Variants in CNTN6 observed in about 807,000 individuals in gnomAD.
CNTN6 encodes the protein contactin 6, also known as contactin-6.
Under a neutral mutation model 122.8 loss-of-function variants are expected in CNTN6, and 137 were observed. The ratio of observed to expected loss-of-function variants is 1.12; its 90% CI spans 0.97 to 1.29. The LOEUF is 1.29. Among genes scored for constraint, CNTN6 ranks in the 50% most tolerant of loss-of-function variants. The pLI is 0.00. For synonymous variants in CNTN6, 570 were observed against 426.0 expected, an observed-to-expected ratio of 1.34 and a Z score of -4.16; for missense variants, 1,634 against 1,223.4, an observed-to-expected ratio of 1.34 and a Z score of -5.01.
chr3:1,388,263 C>T (rs560690090), intron 20 of CNTN6, among the ~76,000 whole-genome samples: 2,763 of 148,914 alleles, frequency 0.019, 81 homozygotes, highest in Non-Finnish European at 0.028. Flanking sequence ...CCCTGACCCC[C>T]GAGCAGCCTA....
intron 2 of CNTN6, among the ~76,000 whole-genome samples, chr3:1,157,874 A>G (rs1334656092): frequency 6.6e-6 from 1 of 152,018 alleles, no homozygotes; most frequent in East Asian, 1.9e-4. Flanking sequence ...TACGCACCAC[A>G]TTTTCTTTAT....
At chr3:1,256,151 A>C (rs2094754386) in intron 4 of CNTN6, among the ~76,000 whole-genome samples, 1 of 152,148 alleles carries the variant, frequency 6.6e-6, no homozygotes, top group Admixed American at 6.6e-5. Flanking sequence ...GATTACAGGC[A>C]TGAGCCACCA....
chr3:1,134,124 C>T (rs746635660), intron 1 of CNTN6, among the ~76,000 whole-genome samples: 8 of 152,114 alleles, frequency 5.3e-5, no homozygotes, highest in Non-Finnish European at 7.3e-5. Flanking sequence ...TACAAGGCCC[C>T]GATCGACCAT....
chr3:1,403,417 G>A lies in CNTN6; in HGVS notation c.3086G>A (p.Ter1029=), dbSNP rs2126268629. Residue 1029 remains the stop codon, a stop_retained_variant, in exon 23 of 23, where the codon TGA becomes TAA. Coordinates refer to ENST00000446702, the MANE Select transcript of CNTN6 (RefSeq NM_001289080.2). ...TGTTTTGCTATTCAGCCACTTATCT[G>A]ATGAATAAAACCATAAATCTTTGAG... ...FHCFAIQPLI[*] The A allele has an allele frequency of 2.5e-6, 4 of 1,586,706 alleles. No individual in the cohort carries two copies. Among genetic ancestry groups the A allele is most frequent in the Non-Finnish European group, 3.5e-6 (4 of 1,156,716 alleles).
intron 4 of CNTN6, among the ~76,000 whole-genome samples, chr3:1,252,100 C>T (rs1440347889): frequency 6.6e-6 from 1 of 152,192 alleles, no homozygotes; most frequent in African/African-American, 2.4e-5. Context: ...TTCTGTTTTG[C>T]TACAAAGTCC....
chr3:1,202,422 C>T (rs1188143777), intron 2 of CNTN6, among the ~76,000 whole-genome samples: 1 of 151,918 alleles, frequency 6.6e-6, no homozygotes, highest in Non-Finnish European at 1.5e-5. Flanking sequence ...CGCCTGTAGT[C>T]CCAGCTACTC....
chr3:1,248,966 C>G lies in CNTN6; in HGVS notation c.358+20973C>G, dbSNP rs181688721. Among the ~76,000 whole-genome samples the G allele has an allele frequency of 3.3e-5, 5 of 152,280 alleles. No individual in the cohort carries two copies. The East Asian group carries it at 9.7e-4, about 29-fold the overall frequency. ...TAATGCTTGTCAAATTTAATGTGCA[C>G]AGGAATCACTTGGAGATCTTATTAA... On this transcript the variant is annotated intron_variant, in intron 4 of 22. Transcript: ENST00000446702.
intron 7 of CNTN6, among the ~76,000 whole-genome samples, chr3:1,311,352 T>C (rs1559786932): frequency 8.0e-6 from 1 of 125,530 alleles, no homozygotes; most frequent in African/African-American, 3.5e-5. Context: ...AAAATGTCTT[T>C]ATATGTACAT....
chr3:1,265,997 C>G (rs2094920404), intron 4 of CNTN6, among the ~76,000 whole-genome samples: 2 of 151,684 alleles, frequency 1.3e-5, no homozygotes, highest in African/African-American at 4.9e-5. Context: ...AAAGGCAATA[C>G]ATAGTTATAT....
chr3:1,147,338 A>G (rs1215640335), intron 1 of CNTN6, among the ~76,000 whole-genome samples: 2 of 152,116 alleles, frequency 1.3e-5, no homozygotes, highest in Non-Finnish European at 2.9e-5. Flanking sequence ...GTCTGTTACA[A>G]TCATACAGTT....
At chr3:1,375,399 C>G (rs757737921) in intron 16 of CNTN6, among the ~76,000 whole-genome samples, 1 of 152,174 alleles carries the variant, frequency 6.6e-6, no homozygotes. Context: ...TACTGAGTCT[C>G]TCGTCTCTCC....
At chr3:1,378,789 G>A (rs1423195407) in intron 17 of CNTN6, among the ~76,000 whole-genome samples, 1 of 152,120 alleles carries the variant, frequency 6.6e-6, no homozygotes, top group East Asian at 1.9e-4. Context: ...CTCTCTTTCT[G>A]TTCTTTTACT....
At chr3:1,284,797 A>G (rs1287420525) in intron 5 of CNTN6, among the ~76,000 whole-genome samples, 2 of 152,250 alleles carry the variant, frequency 1.3e-5, no homozygotes, top group Non-Finnish European at 2.9e-5. Flanking sequence ...AGTGAGACAC[A>G]TTAAGTAAAG....
chr3:1,212,252 G>GTT (rs74499004), intron 2 of CNTN6, among the ~76,000 whole-genome samples: 17,880 of 118,188 alleles, frequency 0.15, 2,368 homozygotes, highest in East Asian at 0.49. Context: ...AATAAAACTT[G>GTT]TTTTTTTTTT....
At chr3:1,346,335 G>T (rs993625666) in intron 11 of CNTN6, among the ~76,000 whole-genome samples, 3 of 152,100 alleles carry the variant, frequency 2.0e-5, no homozygotes, top group Admixed American at 2.0e-4. Context: ...CCATGTGGCA[G>T]TTTTGGGAGG....
chr3:1,216,644 G>A (rs573232828), intron 2 of CNTN6, among the ~76,000 whole-genome samples: 1 of 152,336 alleles, frequency 6.6e-6, no homozygotes, highest in African/African-American at 2.4e-5. Flanking sequence ...CAAGAGTGGT[G>A]AAGTAAATTG....
intron 2 of CNTN6, among the ~76,000 whole-genome samples, chr3:1,155,087 G>A (rs540443229): frequency 9.7e-4 from 147 of 152,260 alleles, no homozygotes; most frequent in African/African-American, 3.3e-3. Context: ...TGGGTAAGTA[G>A]TAGCTTATCC....
chr3:1,117,869 C>A (rs1215535392), intron 1 of CNTN6, among the ~76,000 whole-genome samples: 1 of 152,104 alleles, frequency 6.6e-6, no homozygotes, highest in Non-Finnish European at 1.5e-5. Flanking sequence ...TTATATAGAA[C>A]CTCAGTGGGT....
chr3:1,096,150 C>G (rs1323265168), intron 1 of CNTN6, among the ~76,000 whole-genome samples: 1 of 152,084 alleles, frequency 6.6e-6, no homozygotes, highest in African/African-American at 2.4e-5. Context: ...GGAGACCCTT[C>G]CTGTACTGAA....
Sources: allele counts gnomAD v4.1 joint callset (sites outside exome capture counted in the v4.1 genomes callset), GRCh38; gene constraint gnomAD v4.1.1; transcripts MANE v1.5; gene names NCBI Gene and HGNC (gene_info 2026-07-23, HGNC 2026-07-21).